Variants in MCC observed in about 807,000 individuals in gnomAD.
The protein encoded by MCC is MCC regulator of Wnt signaling pathway.
A neutral mutation model predicts 116.2 loss-of-function variants in MCC; 90 were observed. That is an observed-to-expected ratio of 0.77 (90% CI 0.65 to 0.92). The LOEUF is 0.92. Among genes scored for constraint, MCC ranks in the 40% least tolerant of loss-of-function variants. MCC has a pLI of 0.00. For synonymous variants in MCC, 578 were observed against 510.5 expected (o/e 1.13, Z -1.78); for missense variants, 1,516 against 1,312.2 (o/e 1.16, Z -2.40).
intron 1 of MCC, among the ~76,000 whole-genome samples, chr5:113,397,093 AAGGTC>A (rs1319034835): frequency 6.6e-6 from 1 of 152,266 alleles, no homozygotes; most frequent in Non-Finnish European, 1.5e-5. Context: ...TAATTTAAAA[AAGGTC>A]AGCTGTAGTC....
intron 5 of MCC, among the ~76,000 whole-genome samples, chr5:113,139,010 T>C (rs1251461995): frequency 6.6e-6 from 1 of 152,196 alleles, no homozygotes. Flanking sequence ...AGTTTGACTA[T>C]AATGATCTAG....
At chr5:113,234,392 A>G (rs1172843217) in intron 3 of MCC, 1 of 152,166 alleles carries the variant, frequency 6.6e-6, no homozygotes, top group African/African-American at 2.4e-5. Flanking sequence ...AGCCAAGGAA[A>G]GCTCTGAGAG....
At chr5:113,082,465 C>T (rs1049598476) in intron 11 of MCC, among the ~76,000 whole-genome samples, 4 of 152,238 alleles carry the variant, frequency 2.6e-5, no homozygotes, top group Admixed American at 6.5e-5. Flanking sequence ...GGCCTGCATG[C>T]TTGGCAGCCA....
intron 1 of MCC, among the ~76,000 whole-genome samples, chr5:113,466,598 G>C (rs1363902071): frequency 6.6e-6 from 1 of 151,996 alleles, no homozygotes; most frequent in African/African-American, 2.4e-5. Context: ...GGACATTTAG[G>C]TTGGTTCCAA....
In MCC at chr5:113,029,172, A is replaced by C. The variant is rs1327670834; in HGVS notation, c.2757-116T>G. Reference sequence around the variant, plus strand: ...GTTTAGCTTGCAAAGCCTAAAGGCAAGGGAGAGAAAAGATACTAAAGGGCC... The same window carrying C: ...GTTTAGCTTGCAAAGCCTAAAGGCACGGGAGAGAAAAGATACTAAAGGGCC... On this transcript the variant is annotated intron_variant, in intron 17 of 18. Transcript: ENST00000408903. 3.9e-5 allele frequency: 39 copies of C among 1,002,858 alleles called. 2 individuals are homozygous for C. The South Asian group carries it at 7.2e-4, about 19-fold the overall frequency. 62.1% of individuals were successfully genotyped at this position (1,002,858 alleles called of 1,614,324 possible). A position where few individuals can be genotyped will look rare whatever the true frequency, so the allele number is the denominator to read the frequency against.
chr5:113,083,095 C>T (rs1189745507), intron 10 of MCC, 87 bp from the exon 11 acceptor site: 7 of 1,320,948 alleles, frequency 5.3e-6, no homozygotes, highest in Non-Finnish European at 7.3e-6. Context: ...AGCTGATATT[C>T]CGTGAGAATC....
rs140315629 is a variant in MCC at position 113,313,113 on chromosome 5, G to A, written c.627+27406C>T. Among the ~76,000 whole-genome samples, 585 of 152,254 alleles carry A rather than the reference G, an allele frequency of 3.8e-3. 2 individuals carry two copies. Among genetic ancestry groups the A allele is most frequent in the Middle Eastern group, 0.027 (8 of 294 alleles). ...TGTAATCCCAGCACTTTGGGAGGCC[G>A]AGGCAGGTGAATCATGAGGTCAGGA... On this transcript the variant is annotated intron_variant, in intron 3 of 18. Transcript: ENST00000408903.
At chr5:113,042,121 A>G (rs1404112462) in intron 17 of MCC, among the ~76,000 whole-genome samples, 2 of 152,170 alleles carry the variant, frequency 1.3e-5, no homozygotes, top group Non-Finnish European at 2.9e-5. Context: ...ACAAAACTCA[A>G]CTATGAAAAG....
chr5:113,185,415 G>A (rs992822924), intron 3 of MCC, among the ~76,000 whole-genome samples: 3 of 151,970 alleles, frequency 2.0e-5, no homozygotes, highest in Admixed American at 6.5e-5. Context: ...TTCCTAACAA[G>A]GGTCCACAGG....
At chr5:113,312,322 G>C (rs1258536810) in intron 3 of MCC, among the ~76,000 whole-genome samples, 1 of 152,096 alleles carries the variant, frequency 6.6e-6, no homozygotes, top group Non-Finnish European at 1.5e-5. Flanking sequence ...TGAAGGACAG[G>C]GAATACAGAA....
intron 3 of MCC, among the ~76,000 whole-genome samples, chr5:113,331,592 T>C (rs1183868482): frequency 1.3e-5 from 2 of 150,704 alleles, no homozygotes; most frequent in Non-Finnish European, 2.9e-5. Context: ...AAATTATTAT[T>C]TTTTTCATGA....
intron 1 of MCC, among the ~76,000 whole-genome samples, chr5:113,465,039 T>C (rs916347359): frequency 3.9e-5 from 6 of 151,956 alleles, no homozygotes; most frequent in East Asian, 1.9e-4. Flanking sequence ...CCAATTAAAA[T>C]TCAATGGAAT....
At chr5:113,113,402 G>GGGT (rs1757211876) in intron 6 of MCC, among the ~76,000 whole-genome samples, 1 of 152,114 alleles carries the variant, frequency 6.6e-6, no homozygotes, top group East Asian at 1.9e-4. Flanking sequence ...AAACAGAATA[G>GGGT]TCAACTTTTA....
At position 113,027,100 on chromosome 5, in the gene MCC, C is replaced by T. The variant is rs1459380946; in HGVS notation, c.*202G>A. 7.0e-6 allele frequency: 4 copies of T among 571,808 alleles called. No individual in the cohort carries two copies. The Admixed American group carries it at 9.6e-5, about 14-fold the overall frequency. 35.4% of individuals were successfully genotyped at this position (571,808 alleles called of 1,614,324 possible). On this transcript the variant is annotated 3_prime_UTR_variant, in exon 19 of 19. Coordinates refer to ENST00000408903, the MANE Select transcript of MCC (RefSeq NM_001085377.2). ...CTGTTGTGGGCCCAGGAGGGAAGAG[C>T]GGGCACCTCTGGATACAGTCCACAA...
At chr5:113,447,422 AATTT>A (rs1771255102) in intron 1 of MCC, among the ~76,000 whole-genome samples, 1 of 152,188 alleles carries the variant, frequency 6.6e-6, no homozygotes, top group African/African-American at 2.4e-5. Context: ...TGCTGCAAAT[AATTT>A]ATTGAATTTT....
intron 5 of MCC, among the ~76,000 whole-genome samples, chr5:113,130,633 T>A (rs1758366486): frequency 6.6e-6 from 1 of 152,104 alleles, no homozygotes; most frequent in Non-Finnish European, 1.5e-5. Context: ...CTCAAGAGAT[T>A]ATTGCCCTTC....
At chr5:113,165,135 G>A (rs909832865) in intron 3 of MCC, among the ~76,000 whole-genome samples, 1 of 152,190 alleles carries the variant, frequency 6.6e-6, no homozygotes, top group African/African-American at 2.4e-5. Context: ...TGTCAGAATT[G>A]CAGATAAAAG....
At chr5:113,429,680 G>C (rs1322799559) in intron 1 of MCC, among the ~76,000 whole-genome samples, 1 of 152,148 alleles carries the variant, frequency 6.6e-6, no homozygotes, top group Non-Finnish European at 1.5e-5. Context: ...GCCCTGGCTA[G>C]ATCAGTTGGT....
chr5:113,154,140 A>G (rs1365855242), intron 3 of MCC, among the ~76,000 whole-genome samples: 2 of 152,162 alleles, frequency 1.3e-5, no homozygotes, highest in Non-Finnish European at 2.9e-5. Context: ...TTTTTGTTTA[A>G]TGAGCATTTT....
Sources: allele counts gnomAD v4.1 joint callset (sites outside exome capture counted in the v4.1 genomes callset), GRCh38; gene constraint gnomAD v4.1.1; transcripts MANE v1.5; gene names NCBI Gene and HGNC (gene_info 2026-07-23, HGNC 2026-07-21).